The following ANTXR2 variants were observed in gnomAD, a reference collection of about 807,000 sequenced individuals.
ANTXR2 encodes the protein anthrax toxin receptor 2.
Under a neutral mutation model 73.7 loss-of-function variants are expected in ANTXR2, and 44 were observed. The observed-to-expected ratio is 0.60, with a 90% CI of 0.47 to 0.77. The LOEUF is 0.77. ANTXR2 is among the 30% of genes least tolerant of loss of function. ANTXR2 has a pLI of 0.00. For synonymous variants in ANTXR2, 217 were observed against 205.9 expected (o/e 1.05, Z -0.46); for missense variants, 604 against 592.5 (o/e 1.02, Z -0.20).
intron 16 of ANTXR2, among the ~76,000 whole-genome samples, chr4:79,927,043 A>C (rs567043682): frequency 6.9e-5 from 7 of 100,960 alleles, no homozygotes; most frequent in African/African-American, 2.0e-4. Context: ...GTGTGTATAT[A>C]TATGTGCGTG....
intron 12 of ANTXR2, among the ~76,000 whole-genome samples, chr4:79,997,060 T>C (rs1730762450): frequency 6.7e-6 from 1 of 149,988 alleles, no homozygotes; most frequent in African/African-American, 2.4e-5. Context: ...AGAGCCGATT[T>C]CTTTAAAAAA....
At chr4:80,006,529 A>G (rs1319230507) in intron 12 of ANTXR2, among the ~76,000 whole-genome samples, 2 of 152,148 alleles carry the variant, frequency 1.3e-5, no homozygotes, top group African/African-American at 4.8e-5. Flanking sequence ...AAATAAGTTC[A>G]GGAAATTAAT....
At chr4:80,059,175 A>T (rs1403826647) in intron 3 of ANTXR2, among the ~76,000 whole-genome samples, 1 of 152,002 alleles carries the variant, frequency 6.6e-6, no homozygotes, top group Non-Finnish European at 1.5e-5. Flanking sequence ...ATTTCTATGC[A>T]GCCTCAAATA....
chr4:80,066,200 T>C (rs1382214003), intron 3 of ANTXR2, among the ~76,000 whole-genome samples: 1 of 152,228 alleles, frequency 6.6e-6, no homozygotes, highest in African/African-American at 2.4e-5. Flanking sequence ...TCCTATGCTA[T>C]ACAAAGGAAC....
At chr4:80,054,187 C>T (rs113729380) in intron 7 of ANTXR2, 85 bp downstream of exon 7, 2 of 1,036,496 alleles carry the variant, frequency 1.9e-6, no homozygotes, top group African/African-American at 1.7e-5. Context: ...TAATGACCAC[C>T]TGCACTGGAT....
chr4:80,038,220 T>C (rs1357242623), intron 7 of ANTXR2, among the ~76,000 whole-genome samples: 2 of 152,156 alleles, frequency 1.3e-5, no homozygotes, highest in East Asian at 1.9e-4. Flanking sequence ...AATTTGTAAC[T>C]TTATATTTGT....
intron 16 of ANTXR2, among the ~76,000 whole-genome samples, chr4:79,927,005 G>GTGCATATATGTGTGTATATACACA (rs1727834555): frequency 8.9e-6 from 1 of 112,396 alleles, no homozygotes; most frequent in African/African-American, 4.6e-5. Context: ...ATATATACAC[G>GTGCATATATGTGTGTATATACACA]TGTGCATATA....
At position 80,031,169 on chromosome 4, in the gene ANTXR2, CT is replaced by C. The variant is rs778658457; in HGVS notation, c.866+453del. Among the ~76,000 whole-genome samples, 8 of 151,736 alleles carry C rather than the reference CT, an allele frequency of 5.3e-5. No individual in the cohort carries two copies. The East Asian group carries it at 7.7e-4, about 15-fold the overall frequency. ...AAGTATTTCCTAGTGCAAGGTGTGC[CT>C]TTTTTTAGCCATGTTCTTGAGGCAC... On this transcript the variant is annotated intron_variant, in intron 10 of 16. Coordinates refer to ENST00000403729, the MANE Select transcript of ANTXR2 (RefSeq NM_058172.6).
intron 7 of ANTXR2, among the ~76,000 whole-genome samples, chr4:80,036,721 A>C (rs972798592): frequency 3.9e-5 from 6 of 152,096 alleles, no homozygotes; most frequent in African/African-American, 1.4e-4. Context: ...GAATCGCTTT[A>C]ACACAGCAAT....
At chr4:79,935,618 T>C (rs1050328205) in intron 16 of ANTXR2, among the ~76,000 whole-genome samples, 6 of 152,192 alleles carry the variant, frequency 3.9e-5, no homozygotes, top group African/African-American at 2.4e-5. Flanking sequence ...AAGTGCAAGA[T>C]AGTACACTGA....
At chr4:79,937,286 T>C (rs1435314617) in intron 16 of ANTXR2, among the ~76,000 whole-genome samples, 1 of 152,146 alleles carries the variant, frequency 6.6e-6, no homozygotes, top group African/African-American at 2.4e-5. Context: ...ATTAATTACA[T>C]ATAATCATTT....
chr4:79,936,854 C>T (rs1184526132), intron 16 of ANTXR2, among the ~76,000 whole-genome samples: 1 of 151,886 alleles, frequency 6.6e-6, no homozygotes, highest in Non-Finnish European at 1.5e-5. Flanking sequence ...ACTAGTAGTA[C>T]CACACTAAAG....
intron 16 of ANTXR2, among the ~76,000 whole-genome samples, chr4:79,972,920 T>TAAA (rs746252575): frequency 1.9e-5 from 1 of 53,174 alleles, no homozygotes; most frequent in South Asian, 5.1e-4. Flanking sequence ...TAGAGTATAA[T>TAAA]AAAAAAAAAA....
chr4:79,994,331 A>G (rs1222629509), intron 12 of ANTXR2, among the ~76,000 whole-genome samples: 2 of 152,056 alleles, frequency 1.3e-5, no homozygotes, highest in African/African-American at 2.4e-5. Flanking sequence ...TCAATAAAGT[A>G]CTAAATTTTA....
intron 16 of ANTXR2, among the ~76,000 whole-genome samples, chr4:79,933,056 C>T (rs2109963404): frequency 6.6e-6 from 1 of 152,192 alleles, no homozygotes; most frequent in South Asian, 2.1e-4. Flanking sequence ...TAAAAGTAAT[C>T]CTTGCTGCAT....
At chr4:79,990,905 A>G (rs780543117) in intron 12 of ANTXR2, among the ~76,000 whole-genome samples, 5 of 152,134 alleles carry the variant, frequency 3.3e-5, no homozygotes, top group Non-Finnish European at 5.9e-5. Flanking sequence ...CTGGCTAGCT[A>G]TATGTGGAAG....
intron 16 of ANTXR2, among the ~76,000 whole-genome samples, chr4:79,919,489 C>T (rs1727481122): frequency 1.3e-5 from 2 of 152,066 alleles, no homozygotes; most frequent in South Asian, 4.1e-4. Flanking sequence ...CAGACCTACT[C>T]TCAATCTGGG....
At chr4:79,909,957 C>A (rs761317443) in intron 16 of ANTXR2, among the ~76,000 whole-genome samples, 3 of 152,244 alleles carry the variant, frequency 2.0e-5, no homozygotes, top group African/African-American at 4.8e-5. Flanking sequence ...GCCATAATAG[C>A]ATGCTCAAAT....
intron 16 of ANTXR2, among the ~76,000 whole-genome samples, chr4:79,976,334 A>C (rs567389597): frequency 5.3e-5 from 8 of 152,338 alleles, no homozygotes; most frequent in African/African-American, 1.7e-4. Context: ...GGTAGGAGGC[A>C]GTACTGGATT....
Sources: allele counts gnomAD v4.1 joint callset (sites outside exome capture counted in the v4.1 genomes callset), GRCh38; gene constraint gnomAD v4.1.1; transcripts MANE v1.5; gene names NCBI Gene and HGNC (gene_info 2026-07-23, HGNC 2026-07-21).